SGCZ: variants seen among roughly 807,000 people sequenced by gnomAD.
SGCZ encodes the protein sarcoglycan zeta, also known as zeta-sarcoglycan.
A neutral mutation model predicts 41.3 loss-of-function variants in SGCZ; 40 were observed. The ratio of observed to expected loss-of-function variants is 0.97; its 90% CI spans 0.75 to 1.26. The LOEUF is 1.26. Among genes scored for constraint, SGCZ ranks in the 50% most tolerant of loss-of-function variants. The pLI is 0.00. For missense variants in SGCZ, 552 were observed against 369.8 expected (o/e 1.49, Z -4.04); for synonymous variants, 206 against 137.5 (o/e 1.50, Z -3.49).
chr8:14,502,936 C>G (rs181215574), intron 2 of SGCZ, among the ~76,000 whole-genome samples: 1 of 152,084 alleles, frequency 6.6e-6, no homozygotes, highest in African/African-American at 2.4e-5. Context: ...CGAGTAATCT[C>G]GTTACTGGGT....
intron 1 of SGCZ, among the ~76,000 whole-genome samples, chr8:14,608,577 G>C (rs1161098143): frequency 6.6e-6 from 1 of 152,080 alleles, no homozygotes; most frequent in Admixed American, 6.5e-5. Context: ...CCGTGGGGAA[G>C]GCAAGAACTA....
chr8:14,892,832 C>T (rs982121649), intron 1 of SGCZ, among the ~76,000 whole-genome samples: 1 of 152,122 alleles, frequency 6.6e-6, no homozygotes, highest in African/African-American at 2.4e-5. Context: ...AAGGTTTGAA[C>T]TATATGATCT....
chr8:14,253,256 G>A (rs142476507), intron 3 of SGCZ, among the ~76,000 whole-genome samples: 1 of 151,840 alleles, frequency 6.6e-6, no homozygotes, highest in East Asian at 1.9e-4. Context: ...GTGTGTGTGT[G>A]TGTGTGTGTG....
chr8:14,376,418 G>A (rs763763359), intron 2 of SGCZ, among the ~76,000 whole-genome samples: 1 of 152,162 alleles, frequency 6.6e-6, no homozygotes, highest in South Asian at 2.1e-4. Context: ...ACTGTATGCA[G>A]AGAGATTTGA....
chr8:15,198,853 G>C (rs78124396), intron 1 of SGCZ, among the ~76,000 whole-genome samples: 3 of 151,986 alleles, frequency 2.0e-5, no homozygotes, highest in Non-Finnish European at 4.4e-5. Context: ...ACCTTCCTGC[G>C]CTTTCTTGTT....
chr8:14,685,824 T>C (rs1808593611), intron 1 of SGCZ, among the ~76,000 whole-genome samples: 1 of 152,152 alleles, frequency 6.6e-6, no homozygotes, highest in Non-Finnish European at 1.5e-5. Flanking sequence ...TTAACAATTC[T>C]GTCAATAAAT....
intron 2 of SGCZ, among the ~76,000 whole-genome samples, chr8:14,346,261 C>T (rs1459987970): frequency 6.6e-6 from 1 of 151,944 alleles, no homozygotes; most frequent in East Asian, 1.9e-4. Flanking sequence ...ACCTAAAACT[C>T]CTCAAAAAGT....
intron 1 of SGCZ, among the ~76,000 whole-genome samples, chr8:14,627,778 C>T (rs1510435): frequency 0.33 from 50,544 of 151,684 alleles, 8,735 homozygotes; most frequent in East Asian, 0.63. Flanking sequence ...ATCATGAATA[C>T]GTCTGCTGAC....
chr8:14,678,038 T>A (rs1808330398), intron 1 of SGCZ, among the ~76,000 whole-genome samples: 2 of 152,016 alleles, frequency 1.3e-5, no homozygotes, highest in Non-Finnish European at 2.9e-5. Flanking sequence ...TTCACAAAAA[T>A]TAATACAAAA....
At chr8:14,976,693 T>A (rs1055565564) in intron 1 of SGCZ, among the ~76,000 whole-genome samples, 7 of 151,948 alleles carry the variant, frequency 4.6e-5, no homozygotes, top group East Asian at 3.9e-4. Flanking sequence ...AGATACAGAG[T>A]ACAAAAATAT....
intron 1 of SGCZ, among the ~76,000 whole-genome samples, chr8:14,664,253 C>A (rs893750584): frequency 1.3e-5 from 2 of 152,072 alleles, no homozygotes; most frequent in African/African-American, 4.8e-5. Flanking sequence ...GACTCAATGA[C>A]TGAAGATGGG....
chr8:15,065,142 A>G (rs76254497), intron 1 of SGCZ, among the ~76,000 whole-genome samples: 1,812 of 152,016 alleles, frequency 0.012, 31 homozygotes, highest in African/African-American at 0.041. Context: ...GTATCCTCCA[A>G]CAAGACGGAA....
intron 1 of SGCZ, among the ~76,000 whole-genome samples, chr8:15,009,986 G>C (rs189613055): frequency 6.6e-6 from 1 of 152,114 alleles, no homozygotes; most frequent in Admixed American, 6.5e-5. Context: ...AGCACAAAGA[G>C]TCCGCTGCTT....
At chr8:14,466,848 C>T (rs1210043634) in intron 2 of SGCZ, among the ~76,000 whole-genome samples, 1 of 151,668 alleles carries the variant, frequency 6.6e-6, no homozygotes, top group African/African-American at 2.4e-5. Context: ...TTTGTTTATA[C>T]ATTGTTTTCT....
chr8:14,399,862 A>T (rs1347998128), intron 2 of SGCZ, among the ~76,000 whole-genome samples: 1 of 152,122 alleles, frequency 6.6e-6, no homozygotes, highest in Admixed American at 6.6e-5. Context: ...TATGCTATAA[A>T]GTTTACTTCT....
At chr8:14,332,808 G>A (rs1382111322) in intron 2 of SGCZ, 1 of 150,734 alleles carries the variant, frequency 6.6e-6, no homozygotes, top group African/African-American at 2.4e-5. Flanking sequence ...AGAGTATGTA[G>A]ATATATAGAA....
intron 1 of SGCZ, among the ~76,000 whole-genome samples, chr8:15,157,441 C>T (rs1429873931): frequency 6.6e-6 from 1 of 151,612 alleles, no homozygotes; most frequent in Non-Finnish European, 1.5e-5. Context: ...AAAAAAGTAG[C>T]CCGTAATTTT....
intron 1 of SGCZ, among the ~76,000 whole-genome samples, chr8:14,794,174 G>A (rs540313725): frequency 1.3e-5 from 2 of 152,186 alleles, no homozygotes; most frequent in African/African-American, 4.8e-5. Flanking sequence ...ACTCAGTCAC[G>A]ATTAGACACC....
intron 5 of SGCZ, among the ~76,000 whole-genome samples, chr8:14,147,492 G>C (rs1183149180): frequency 1.3e-5 from 2 of 152,112 alleles, no homozygotes; most frequent in African/African-American, 2.4e-5. Context: ...AATGACAAAG[G>C]TATCGATTCA....
Sources: allele counts gnomAD v4.1 joint callset (sites outside exome capture counted in the v4.1 genomes callset), GRCh38; gene constraint gnomAD v4.1.1; transcripts MANE v1.5; gene names NCBI Gene and HGNC (gene_info 2026-07-23, HGNC 2026-07-21).